PIEZO2: variants seen among roughly 807,000 people sequenced by gnomAD.
PIEZO2 encodes piezo type mechanosensitive ion channel component 2.
A neutral mutation model predicts 337.3 loss-of-function variants in PIEZO2; 172 were observed. That is an observed-to-expected ratio of 0.51 (90% CI 0.45 to 0.58). PIEZO2 has a LOEUF of 0.58. Ranked by LOEUF, PIEZO2 falls within the 20% of genes least tolerant of loss-of-function variation. The probability of loss-of-function intolerance (pLI) is 0.00; values close to 1 mark genes in which losing one functional copy is unlikely to be tolerated. For synonymous variants in PIEZO2, 1,251 were observed against 1,228.5 expected (o/e 1.02, Z -0.38); for missense variants, 3,028 against 3,391.3 (o/e 0.89, Z 2.66).
chr18:10,775,124 A>C lies in PIEZO2; in HGVS notation c.2535-1086T>G, dbSNP rs376272182. On this transcript the variant is annotated intron_variant, in intron 18 of 55. Coordinates refer to ENST00000674853, the MANE Select transcript of PIEZO2 (RefSeq NM_001378183.1). This position sits in a 1 kb window ranked among gnomAD's most constrained non-coding sequence, Gnocchi z 4.3. ...ATAGTATGCCAGAAACAGATTGTTA[A>C]TTTAATGAAGAGAGAGAATCTGAAG... Among the ~76,000 whole-genome samples the C allele has an allele frequency of 3.3e-5, 5 of 152,346 alleles. No homozygotes were observed. Among genetic ancestry groups the C allele is most frequent in the African/African-American group, 1.2e-4 (5 of 41,592 alleles).
rs1271207684 is a variant in PIEZO2 at position 10,673,913 on chromosome 18, G to C, written c.8162-1040C>G. On this transcript the variant is annotated intron_variant, in intron 54 of 55. Coordinates refer to ENST00000674853, the MANE Select transcript of PIEZO2 (RefSeq NM_001378183.1). The surrounding 1 kb of genome is among the most constrained non-coding windows in gnomAD (Gnocchi z 4.8). ...CCAAGGATAGCTTATGAGCTAAAAA[G>C]ATCATACCAAAATTTCATAATGTTT... 2.6e-5 allele frequency among the ~76,000 whole-genome samples: 4 copies of C among 152,246 alleles called. No individual in the cohort carries two copies. The East Asian group carries it at 7.7e-4, about 29-fold the overall frequency.
At chr18:10,787,843 CA>C (rs1264967867) in intron 15 of PIEZO2, among the ~76,000 whole-genome samples, 7 of 152,138 alleles carry the variant, frequency 4.6e-5, no homozygotes, top group Non-Finnish European at 8.8e-5. Flanking sequence ...TCTCTTTTAT[CA>C]TCAGTTAAAA....
chr18:11,075,154 A>G (rs1302407390), intron 1 of PIEZO2, among the ~76,000 whole-genome samples: 2 of 152,254 alleles, frequency 1.3e-5, no homozygotes, highest in African/African-American at 2.4e-5. Flanking sequence ...CGAACTGACA[A>G]AACAGTTCTG....
intron 36 of PIEZO2, among the ~76,000 whole-genome samples, chr18:10,728,721 C>G (rs951371218): frequency 5.3e-5 from 8 of 151,664 alleles, no homozygotes; most frequent in Non-Finnish European, 1.2e-4. Flanking sequence ...TTTGGGAGGC[C>G]GAGGCGGGCG....
intron 4 of PIEZO2, among the ~76,000 whole-genome samples, chr18:10,892,820 T>C (rs1222340915): frequency 6.6e-6 from 1 of 152,220 alleles, no homozygotes; most frequent in Non-Finnish European, 1.5e-5. Context: ...ATCTAACAAG[T>C]ACTTCATACA....
rs561324943 is a variant in PIEZO2, at chr18:10,746,419, C to T, written c.4424+2052G>A. ...CTCCGTAGTTTCACTGGGCTGCTTC[C>T]CCTGCCTTCTCCTCTGACTAACTCC... On this transcript the variant is annotated intron_variant, in intron 30 of 55. Transcript: ENST00000674853. The surrounding 1 kb of genome is among the most constrained non-coding windows in gnomAD (Gnocchi z 4.2). Among the ~76,000 whole-genome samples, 1 of 152,288 alleles carries T rather than the reference C, an allele frequency of 6.6e-6. No individual in the cohort carries two copies. The highest frequency in any genetic ancestry group is 1.9e-4 in the East Asian group (1 of 5,180).
At chr18:10,901,104 C>T (rs1568180113) in intron 4 of PIEZO2, among the ~76,000 whole-genome samples, 1 of 152,218 alleles carries the variant, frequency 6.6e-6, no homozygotes, top group Non-Finnish European at 1.5e-5. Flanking sequence ...AATTCTGTGA[C>T]TTTAATAAAA....
chr18:11,043,932 C>T (rs530106114), intron 2 of PIEZO2, among the ~76,000 whole-genome samples: 9 of 152,048 alleles, frequency 5.9e-5, no homozygotes, highest in African/African-American at 2.2e-4. Context: ...CCTTGGCCTC[C>T]AAAAGTGCAG....
intron 27 of PIEZO2, among the ~76,000 whole-genome samples, chr18:10,756,275 T>C (rs1450748048): frequency 8.3e-5 from 12 of 144,996 alleles, no homozygotes; most frequent in African/African-American, 2.3e-4. Flanking sequence ...GGGATGGAGA[T>C]GAAGAGGAGG....
At chr18:10,797,641 A>G in intron 11 of PIEZO2, 119 bp from the exon 12 acceptor site, 1 of 1,431,700 alleles carries the variant, frequency 7.0e-7, no homozygotes, top group Non-Finnish European at 9.1e-7. Flanking sequence ...GATTTCAGAA[A>G]TTGTTTCCCA....
At position 10,980,614 on chromosome 18, in the gene PIEZO2, T is replaced by A. The variant is rs893922723; in HGVS notation, c.161-954A>T. Among the ~76,000 whole-genome samples the A allele has an allele frequency of 3.3e-5, 5 of 152,182 alleles. No homozygotes were observed. Among genetic ancestry groups the A allele is most frequent in the African/African-American group, 1.2e-4 (5 of 41,448 alleles). On this transcript the variant is annotated intron_variant, in intron 2 of 55. Coordinates refer to ENST00000674853, the MANE Select transcript of PIEZO2 (RefSeq NM_001378183.1). This position sits in a 1 kb window ranked among gnomAD's most constrained non-coding sequence, Gnocchi z 4.8. ...ATTATTTTCAGATTATATATCATCA[T>A]CAACAGAGAACGCCAAACTAACTCC... is the stretch of plus-strand genomic sequence containing the variant.
At chr18:10,737,182 G>C (rs757973524) in intron 33 of PIEZO2, among the ~76,000 whole-genome samples, 3 of 151,706 alleles carry the variant, frequency 2.0e-5, no homozygotes, top group Non-Finnish European at 2.9e-5. Context: ...GGACGATTCA[G>C]GACCAAGGTC....
chr18:10,851,470 G>A (rs912055944), intron 7 of PIEZO2, among the ~76,000 whole-genome samples: 2 of 151,960 alleles, frequency 1.3e-5, no homozygotes, highest in African/African-American at 2.4e-5. Context: ...ATGATGTACC[G>A]AAATGTCTGT....
At chr18:10,887,973 T>G (rs2042655619) in intron 4 of PIEZO2, among the ~76,000 whole-genome samples, 1 of 152,150 alleles carries the variant, frequency 6.6e-6, no homozygotes, top group Admixed American at 6.5e-5. Flanking sequence ...TTACTTTGTA[T>G]GTGATTTGAA....
chr18:10,683,973 CT>C (rs2143532658), intron 49 of PIEZO2, among the ~76,000 whole-genome samples: 1 of 152,072 alleles, frequency 6.6e-6, no homozygotes, highest in African/African-American at 2.4e-5. Context: ...GGGGAAAGGC[CT>C]CTTAATCCAT....
At chr18:11,100,145 T>C (rs1370467666) in intron 1 of PIEZO2, among the ~76,000 whole-genome samples, 1 of 152,230 alleles carries the variant, frequency 6.6e-6, no homozygotes, top group Admixed American at 6.5e-5. Context: ...TCACTGAACA[T>C]ACATGAAGTT....
At position 10,682,218 on chromosome 18, in the gene PIEZO2, C is replaced by G; in HGVS notation, c.7572G>C (p.Leu2524=). The G allele has an allele frequency of 6.5e-7, 1 of 1,537,212 alleles. No homozygotes were observed. The change falls in exon 50 of 56, where the codon CTG becomes CTC. Residue 2524 remains leucine (L), a synonymous_variant. Transcript: ENST00000674853. This position sits in a 1 kb window ranked among gnomAD's most constrained non-coding sequence, Gnocchi z 5.6. ...GAGGAAACCAGACAATGCAGATGAG[C>G]AGGACGATGATCATTCCTCCCATGC... ...KYGMGGMIIV[L]LICIVWFPLL... is the part of the protein sequence containing the mutation.
chr18:10,847,125 G>A lies in PIEZO2; in HGVS notation c.917+8228C>T, dbSNP rs895498404. ...GCCAAGGTTCAATCTCGAGCCCGTG[G>A]ACTCCAGGGAATGAGCTGTTGAGCA... On this transcript the variant is annotated intron_variant, in intron 7 of 55. Transcript: ENST00000674853. This position sits in a 1 kb window ranked among gnomAD's most constrained non-coding sequence, Gnocchi z 5.7. Among the ~76,000 whole-genome samples the A allele has an allele frequency of 1.3e-5, 2 of 152,176 alleles. No homozygotes were observed. The highest frequency in any genetic ancestry group is 2.9e-5 in the Non-Finnish European group (2 of 68,032).
chr18:10,962,061 C>A lies in PIEZO2; in HGVS notation c.286+17474G>T, dbSNP rs188372054. 2.3e-4 allele frequency among the ~76,000 whole-genome samples: 35 copies of A among 151,646 alleles called. No homozygotes were observed. The East Asian group carries it at 6.6e-3, about 28-fold the overall frequency. On this transcript the variant is annotated intron_variant, in intron 3 of 55. Transcript: ENST00000674853. The surrounding 1 kb of genome is among the most constrained non-coding windows in gnomAD (Gnocchi z 4.1). Reference sequence around the variant, plus strand: ...AGAAATGCACCACTGATTCTCGCAACGTTCAGTTTTTTTTTCCAAGCAGAC... The same window carrying A: ...AGAAATGCACCACTGATTCTCGCAAAGTTCAGTTTTTTTTTCCAAGCAGAC...
Sources: gnomAD v4.1 joint callset for allele counts (sites outside exome capture counted in the v4.1 genomes callset) on GRCh38, gnomAD v4.1.1 for gene constraint, Gnocchi (gnomAD v3.1) non-coding constraint, MANE v1.5 for transcripts, NCBI Gene and HGNC (gene_info 2026-07-23, HGNC 2026-07-21) for gene names.